PRR5L: variants seen among roughly 807,000 people sequenced by gnomAD.
The protein encoded by PRR5L is proline rich 5 like.
PRR5L carries 21 observed loss-of-function variants against 36.4 expected under a neutral mutation model. That is an observed-to-expected ratio of 0.58 (90% CI 0.41 to 0.83). PRR5L has a LOEUF of 0.83. PRR5L is among the 40% of genes least tolerant of loss of function. The probability of loss-of-function intolerance (pLI) is 0.00; values close to 1 mark genes in which losing one functional copy is unlikely to be tolerated. For missense variants in PRR5L, 381 were observed against 473.3 expected (o/e 0.80, Z 1.81); for synonymous variants, 188 against 197.0 (o/e 0.95, Z 0.38).
intron 1 of PRR5L, chr11:36,323,327 C>T (rs1856630612): frequency 6.6e-6 from 1 of 152,202 alleles, no homozygotes; most frequent in East Asian, 1.9e-4. Flanking sequence ...CATAGCAATT[C>T]TTTATTGTGT....
intron 6 of PRR5L, among the ~76,000 whole-genome samples, chr11:36,440,692 C>T (rs4756317): frequency 0.52 from 79,220 of 152,008 alleles, 21,950 homozygotes; most frequent in Non-Finnish European, 0.61. Flanking sequence ...ATACCCGAGA[C>T]TGGGTAATTT....
chr11:36,340,602 C>T (rs528447229), intron 1 of PRR5L, among the ~76,000 whole-genome samples: 115 of 152,252 alleles, frequency 7.6e-4, no homozygotes, highest in Non-Finnish European at 1.4e-3. Flanking sequence ...GGGACTCACA[C>T]CCTGGCATTC....
At chr11:36,431,992 G>C (rs1417765930) in intron 5 of PRR5L, 82 bp downstream of exon 5, 1 of 1,230,876 alleles carries the variant, frequency 8.1e-7, no homozygotes, top group Non-Finnish European at 1.2e-6. Flanking sequence ...CTTCTGTCCA[G>C]AAGGGGCAGG....
At chr11:36,382,482 A>G (rs966353138) in intron 1 of PRR5L, among the ~76,000 whole-genome samples, 2 of 152,210 alleles carry the variant, frequency 1.3e-5, no homozygotes, top group Non-Finnish European at 2.9e-5. Flanking sequence ...CATCACCTGG[A>G]GATCCTGTTA....
At chr11:36,316,847 A>T (rs566200670) in intron 1 of PRR5L, among the ~76,000 whole-genome samples, 2 of 152,292 alleles carry the variant, frequency 1.3e-5, no homozygotes, top group Admixed American at 1.3e-4. Context: ...TCTTTTTGGG[A>T]AAGGGTTACT....
intron 8 of PRR5L, among the ~76,000 whole-genome samples, chr11:36,453,711 T>G (rs1858989434): frequency 6.6e-6 from 1 of 152,108 alleles, no homozygotes; most frequent in Non-Finnish European, 1.5e-5. Context: ...GTCTCATCAG[T>G]GTACACATGT....
intron 3 of PRR5L, among the ~76,000 whole-genome samples, chr11:36,407,416 C>T (rs914439022): frequency 3.9e-5 from 6 of 152,166 alleles, no homozygotes; most frequent in Non-Finnish European, 7.4e-5. Flanking sequence ...AAAACTTCTC[C>T]AGCAGTTTGG....
intron 7 of PRR5L, among the ~76,000 whole-genome samples, chr11:36,447,479 A>G (rs1858853982): frequency 6.6e-6 from 1 of 152,194 alleles, no homozygotes; most frequent in South Asian, 2.1e-4. Flanking sequence ...ACAATTCTCG[A>G]CGAGTAGGGT....
chr11:36,323,545 T>G (rs748411290), intron 1 of PRR5L: 1 of 152,240 alleles, frequency 6.6e-6, no homozygotes, highest in Non-Finnish European at 1.5e-5. Context: ...CTTATACATA[T>G]TATCATTTTC....
chr11:36,384,931 A>G (rs1857431612), intron 1 of PRR5L, among the ~76,000 whole-genome samples: 1 of 151,638 alleles, frequency 6.6e-6, no homozygotes, highest in Non-Finnish European at 1.5e-5. Context: ...TTGGCCTCCT[A>G]AATTGCTGGG....
chr11:36,352,002 C>A (rs1327033008), intron 1 of PRR5L, among the ~76,000 whole-genome samples: 1 of 151,826 alleles, frequency 6.6e-6, no homozygotes, highest in Non-Finnish European at 1.5e-5. Flanking sequence ...AATCTCCACA[C>A]CTTTTTCCAT....
At chr11:36,341,622 C>A (rs118070798) in intron 1 of PRR5L, among the ~76,000 whole-genome samples, 1 of 152,188 alleles carries the variant, frequency 6.6e-6, no homozygotes, top group East Asian at 1.9e-4. Context: ...GGCCAAGTGA[C>A]CATGAGCTTG....
intron 1 of PRR5L, among the ~76,000 whole-genome samples, chr11:36,378,194 G>T (rs967067895): frequency 9.2e-5 from 14 of 152,200 alleles, no homozygotes; most frequent in Admixed American, 9.2e-4. Flanking sequence ...CAGCTAGCGG[G>T]TCAGGAGGGG....
chr11:36,456,088 C>T (rs1251478226), intron 8 of PRR5L, among the ~76,000 whole-genome samples: 2 of 152,162 alleles, frequency 1.3e-5, no homozygotes, highest in African/African-American at 4.8e-5. Flanking sequence ...GCTGTGTGGC[C>T]TGGAGCAACT....
intron 7 of PRR5L, among the ~76,000 whole-genome samples, chr11:36,447,482 A>G (rs939379502): frequency 1.2e-4 from 19 of 152,214 alleles, no homozygotes; most frequent in African/African-American, 4.3e-4. Flanking sequence ...ATTCTCGACG[A>G]GTAGGGTTTT....
chr11:36,403,431 G>A (rs551589173), intron 3 of PRR5L, 53 bp downstream of exon 3: 1 of 1,430,626 alleles, frequency 7.0e-7, no homozygotes, highest in Middle Eastern at 2.1e-4. Flanking sequence ...CTGAGCAGGG[G>A]CATAGGGGCT....
At chr11:36,326,338 G>A (rs368736800) in intron 1 of PRR5L, among the ~76,000 whole-genome samples, 1 of 118,074 alleles carries the variant, frequency 8.5e-6, no homozygotes, top group Non-Finnish European at 1.9e-5. Flanking sequence ...CACACACACA[G>A]GCAAACCATT....
intron 1 of PRR5L, among the ~76,000 whole-genome samples, chr11:36,356,142 G>A (rs1196034030): frequency 6.7e-6 from 1 of 150,098 alleles, no homozygotes; most frequent in Non-Finnish European, 1.5e-5. Context: ...GACCTCCTGA[G>A]CTCAATTGAT....
intron 3 of PRR5L, among the ~76,000 whole-genome samples, chr11:36,403,898 C>T (rs764247274): frequency 6.6e-6 from 1 of 152,212 alleles, no homozygotes; most frequent in Non-Finnish European, 1.5e-5. Context: ...CAACTAGCCA[C>T]ACATGTGAAA....
Sources: allele counts gnomAD v4.1 joint callset (sites outside exome capture counted in the v4.1 genomes callset), GRCh38; gene constraint gnomAD v4.1.1; transcripts MANE v1.5; gene names NCBI Gene and HGNC (gene_info 2026-07-23, HGNC 2026-07-21).